RYR2: variants seen among roughly 807,000 people sequenced by gnomAD.
The protein encoded by RYR2 is cardiac muscle ryanodine receptor-calcium release channel.
In RYR2, 227 loss-of-function variants were observed where a neutral mutation model predicts 601.1. The ratio of observed to expected loss-of-function variants is 0.38; its 90% CI spans 0.34 to 0.42. The LOEUF (loss-of-function observed/expected upper bound fraction) is 0.42. Ranked by LOEUF, RYR2 falls within the 10% of genes least tolerant of loss-of-function variation. The pLI is 1.00. For synonymous variants in RYR2, 2,223 were observed against 2,175.1 expected, an observed-to-expected ratio of 1.02 and a Z score of -0.61; for missense variants, 4,646 against 6,156.5, an observed-to-expected ratio of 0.75 and a Z score of 8.21.
At chr1:237,828,264 T>C in intron 101 of RYR2, 117 bp from the exon 102 acceptor site, 2 of 642,896 alleles carry the variant, frequency 3.1e-6, no homozygotes, top group East Asian at 2.8e-5. Context: ...ACGTTTACCA[T>C]GTTCTGAGCA....
intron 1 of RYR2, among the ~76,000 whole-genome samples, chr1:237,095,119 A>G (rs543629433): frequency 6.6e-6 from 1 of 152,360 alleles, no homozygotes; most frequent in African/African-American, 2.4e-5. Context: ...GACCATACAT[A>G]TGGTGAGCCT....
intron 99 of RYR2, among the ~76,000 whole-genome samples, chr1:237,808,415 C>T (rs148974843): frequency 3.9e-5 from 6 of 152,218 alleles, no homozygotes; most frequent in South Asian, 4.1e-4. Context: ...AATCCCAGCA[C>T]TTTGAGATGC....
At chr1:237,053,149 T>G (rs1661496281) in intron 1 of RYR2, among the ~76,000 whole-genome samples, 1 of 152,048 alleles carries the variant, frequency 6.6e-6, no homozygotes, top group African/African-American at 2.4e-5. Flanking sequence ...ACCCAACCCA[T>G]CTCTTCTTAT....
chr1:237,088,149 T>G (rs978025155), intron 1 of RYR2, among the ~76,000 whole-genome samples: 1 of 151,380 alleles, frequency 6.6e-6, no homozygotes, highest in Non-Finnish European at 1.5e-5. Context: ...TGACTGTACT[T>G]TTTTTTTTCC....
intron 23 of RYR2, 61 bp downstream of exon 23, chr1:237,506,875 T>G: frequency 7.4e-7 from 1 of 1,350,184 alleles, no homozygotes; most frequent in Non-Finnish European, 1.0e-6. Context: ...AAACATAACT[T>G]TTTCTGCCTT....
intron 1 of RYR2, among the ~76,000 whole-genome samples, chr1:237,074,439 G>C (rs577780332): frequency 6.6e-6 from 1 of 152,178 alleles, no homozygotes; most frequent in Non-Finnish European, 1.5e-5. Context: ...AGGAAGATGC[G>C]GCAATGGGAG....
chr1:237,678,437 A>G (rs1047987846), intron 61 of RYR2, among the ~76,000 whole-genome samples: 2 of 152,222 alleles, frequency 1.3e-5, no homozygotes, highest in African/African-American at 4.8e-5. Context: ...TATGATTTAA[A>G]ATTTCTAGTT....
At chr1:237,444,232 G>C (rs1558827876) in intron 13 of RYR2, among the ~76,000 whole-genome samples, 1 of 152,034 alleles carries the variant, frequency 6.6e-6, no homozygotes, top group Admixed American at 6.6e-5. Flanking sequence ...TTGACTTCTA[G>C]TTTAGTAATT....
At chr1:237,674,312 G>T in intron 59 of RYR2, 93 bp downstream of exon 59, 9 of 1,018,232 alleles carry the variant, frequency 8.8e-6, no homozygotes, top group Non-Finnish European at 1.3e-5. Context: ...TGAATTCAAT[G>T]ATCTGTTTAC....
intron 3 of RYR2, among the ~76,000 whole-genome samples, chr1:237,339,306 A>T (rs1410906109): frequency 6.6e-6 from 1 of 152,182 alleles, no homozygotes; most frequent in Non-Finnish European, 1.5e-5. Context: ...TTGAGCATTT[A>T]TATATATCTT....
intron 2 of RYR2, among the ~76,000 whole-genome samples, chr1:237,306,524 T>C (rs550627435): frequency 1.3e-5 from 2 of 152,344 alleles, no homozygotes; most frequent in East Asian, 1.9e-4. Flanking sequence ...TTAATGAGAA[T>C]GGAAAATAAC....
intron 60 of RYR2, among the ~76,000 whole-genome samples, chr1:237,676,171 T>G (rs1330055327): frequency 6.6e-6 from 1 of 152,142 alleles, no homozygotes; most frequent in African/African-American, 2.4e-5. Context: ...CCAGTCTTGT[T>G]TTTGGAGAAA....
At position 237,153,916 on chromosome 1, in the gene RYR2, T is replaced by C. The variant is rs185543107; in HGVS notation, c.48+111347T>C. On this transcript the variant is annotated intron_variant, in intron 1 of 104. Coordinates refer to ENST00000366574, the MANE Select transcript of RYR2 (RefSeq NM_001035.3). ...AGGTAGATTTTATCTACTTTTAAAA[T>C]TTTCTGGGTTGGTACTCATGACTTT... is the stretch of plus-strand genomic sequence containing the variant. Among the ~76,000 whole-genome samples, 136 of 152,320 alleles carry C rather than the reference T, an allele frequency of 8.9e-4. 2 individuals are homozygous for C. The highest frequency in any genetic ancestry group is 8.1e-3 in the East Asian group (42 of 5,182).
At chr1:237,656,017 T>C (rs1683210617) in intron 53 of RYR2, 33 bp downstream of exon 53, 1 of 1,602,686 alleles carries the variant, frequency 6.2e-7, no homozygotes, top group Non-Finnish European at 8.5e-7. Context: ...CAGATTTTTA[T>C]TGTAAATGAT....
chr1:237,172,089 G>T (rs1677469579), intron 1 of RYR2, among the ~76,000 whole-genome samples: 1 of 152,180 alleles, frequency 6.6e-6, no homozygotes, highest in African/African-American at 2.4e-5. Context: ...TGGCTTAAAT[G>T]ATCTCCATTC....
intron 69 of RYR2, 32 bp from the exon 70 acceptor site, chr1:237,709,448 T>G: frequency 7.8e-6 from 11 of 1,405,300 alleles, no homozygotes; most frequent in Non-Finnish European, 1.1e-5. Context: ...AAGGAGTAGC[T>G]GAGAAACCAC....
chr1:237,694,623 T>C (rs1319653637), intron 63 of RYR2, among the ~76,000 whole-genome samples: 2 of 152,166 alleles, frequency 1.3e-5, no homozygotes, highest in African/African-American at 2.4e-5. Flanking sequence ...TAATAAAGTA[T>C]ACATAGCATT....
chr1:237,631,739 T>C (rs1240368951), intron 42 of RYR2, among the ~76,000 whole-genome samples, 198 bp downstream of exon 42: 5 of 145,698 alleles, frequency 3.4e-5, no homozygotes, highest in African/African-American at 1.2e-4. Flanking sequence ...GCCATTCTCC[T>C]GCCTCAGCCT....
At chr1:237,607,551 G>A (rs1451177378) in intron 35 of RYR2, among the ~76,000 whole-genome samples, 1 of 152,110 alleles carries the variant, frequency 6.6e-6, no homozygotes, top group East Asian at 1.9e-4. Flanking sequence ...TTGTGCACAT[G>A]TACCCTAGAA....
Sources: gnomAD v4.1 joint callset for allele counts (sites outside exome capture counted in the v4.1 genomes callset) on GRCh38, gnomAD v4.1.1 for gene constraint, MANE v1.5 for transcripts, NCBI Gene and HGNC (gene_info 2026-07-23, HGNC 2026-07-21) for gene names.